Variants in MINDY3 observed in about 807,000 individuals in gnomAD.
MINDY3 encodes ubiquitin carboxyl-terminal hydrolase MINDY-3.
Under a neutral mutation model 69.2 loss-of-function variants are expected in MINDY3, and 38 were observed. The ratio of observed to expected loss-of-function variants is 0.55; its 90% CI spans 0.42 to 0.72. The LOEUF (loss-of-function observed/expected upper bound fraction) is 0.72, where lower values mean the gene tolerates loss of function less well. Ranked by LOEUF, MINDY3 falls within the 30% of genes least tolerant of loss-of-function variation. MINDY3 has a pLI of 0.00. For synonymous variants in MINDY3, 192 were observed against 180.1 expected, an observed-to-expected ratio of 1.07 and a Z score of -0.53; for missense variants, 522 against 519.0, an observed-to-expected ratio of 1.01 and a Z score of -0.06.
At chr10:15,842,737 C>G (rs1210549917) in intron 3 of MINDY3, among the ~76,000 whole-genome samples, 1 of 151,680 alleles carries the variant, frequency 6.6e-6, no homozygotes. Context: ...AAGGTGGCAC[C>G]ACACATCTCT....
intron 1 of MINDY3, chr10:15,857,903 C>T: frequency 1.0e-6 from 1 of 967,546 alleles, no homozygotes; most frequent in Non-Finnish European, 1.2e-6. Flanking sequence ...AAACATCTTA[C>T]ATCTGTATCT....
intron 3 of MINDY3, among the ~76,000 whole-genome samples, chr10:15,842,641 A>C (rs973106613): frequency 5.3e-5 from 8 of 151,870 alleles, no homozygotes; most frequent in Admixed American, 3.9e-4. Flanking sequence ...TTCTTCCAGA[A>C]TTTACTGTGA....
intron 1 of MINDY3, chr10:15,857,900 T>C: frequency 1.0e-6 from 1 of 964,308 alleles, no homozygotes; most frequent in Non-Finnish European, 1.2e-6. Context: ...GCCAAACATC[T>C]TACATCTGTA....
In MINDY3 at chr10:15,843,279, A is replaced by G; in HGVS notation, c.175-7T>C. 1 of 1,606,384 alleles carries G rather than the reference A, an allele frequency of 6.2e-7. No individual in the cohort carries two copies. On this transcript the variant is annotated splice_region_variant and splice_polypyrimidine_tract_variant and intron_variant, in intron 2 of 14. Transcript: ENST00000277632. ...GCTTCTTCAAAAGAAATGCCTTTACACAATTAAAGCAATAATTAGTGAAAT... is the reference window on the plus strand; with the variant it reads ...GCTTCTTCAAAAGAAATGCCTTTACGCAATTAAAGCAATAATTAGTGAAAT...
chr10:15,856,418 G>GA (rs372994140), intron 1 of MINDY3, among the ~76,000 whole-genome samples: 2,716 of 141,780 alleles, frequency 0.019, 78 homozygotes, highest in African/African-American at 0.065. Context: ...TGGGGAAAAA[G>GA]AAAAAAAAAA....
chr10:15,826,052 T>C (rs945625899), intron 8 of MINDY3, among the ~76,000 whole-genome samples: 2 of 152,032 alleles, frequency 1.3e-5, no homozygotes, highest in African/African-American at 2.4e-5. Context: ...AAAGAGACCA[T>C]GACAAAATTA....
In MINDY3 at chr10:15,838,914, C is replaced by T. The variant is rs188664454; in HGVS notation, c.410-635G>A. ...AAGTGCCAGGCCCTTTTCTAAATGC[C>T]CTACATGTCTTACCTCATTTAATCC... On this transcript the variant is annotated intron_variant, in intron 4 of 14. Coordinates refer to ENST00000277632, the MANE Select transcript of MINDY3 (RefSeq NM_024948.4). 1.1e-3 allele frequency among the ~76,000 whole-genome samples: 168 copies of T among 151,610 alleles called. 1 individual carries two copies. The highest frequency in any genetic ancestry group is 3.8e-3 in the African/African-American group (159 of 41,434).
intron 8 of MINDY3, among the ~76,000 whole-genome samples, chr10:15,830,845 T>C (rs1840407267): frequency 6.6e-6 from 1 of 152,170 alleles, no homozygotes; most frequent in East Asian, 1.9e-4. Flanking sequence ...GAAATTCTGC[T>C]GGTGAAAGGA....
In MINDY3 at chr10:15,841,489, T is replaced by G. The variant is rs376669438; in HGVS notation, c.346A>C (p.Thr116Pro). The G allele has an allele frequency of 1.2e-6, 2 of 1,612,196 alleles. No individual in the cohort carries two copies. Among genetic ancestry groups the G allele is most frequent in the South Asian group, 1.1e-5 (1 of 91,004 alleles). ...CLVSWLRGKT[T>P]EETASISGSP... Reference sequence around the variant, plus strand: ...CCAGAAATACTAGCAGTTTCCTCAGTTGTCTTTCCTCTTAACCATGAAACC... The same window carrying G: ...CCAGAAATACTAGCAGTTTCCTCAGGTGTCTTTCCTCTTAACCATGAAACC... Residue 116 changes from threonine to proline, a missense_variant, in exon 4 of 15, where the codon ACT becomes CCT. Transcript: ENST00000277632.
At chr10:15,814,220 T>A (rs900277797) in intron 10 of MINDY3, among the ~76,000 whole-genome samples, 2 of 152,124 alleles carry the variant, frequency 1.3e-5, no homozygotes, top group African/African-American at 4.8e-5. Flanking sequence ...ACCATTTAGG[T>A]GAACTTCCAG....
chr10:15,811,027 T>C (rs889529589), intron 10 of MINDY3, among the ~76,000 whole-genome samples: 2 of 152,156 alleles, frequency 1.3e-5, no homozygotes, highest in Non-Finnish European at 2.9e-5. Flanking sequence ...ATAATAATTT[T>C]AATGATCCAG....
intron 12 of MINDY3, 59 bp from the exon 13 acceptor site, chr10:15,786,707 T>C (rs1836997619): frequency 1.9e-6 from 2 of 1,028,148 alleles, no homozygotes; most frequent in Non-Finnish European, 3.0e-6. Flanking sequence ...GCTGCTTTTC[T>C]TTCATGATTA....
rs542266736 is a variant in MINDY3 at position 15,782,419 on chromosome 10, G to C, written c.1117-193C>G. 617 of 511,044 alleles carry C rather than the reference G, an allele frequency of 1.2e-3. 2 individuals carry two copies. The highest frequency in any genetic ancestry group is 1.8e-3 in the Non-Finnish European group (524 of 294,946). 31.7% of individuals were successfully genotyped at this position (511,044 alleles called of 1,614,324 possible). A position where few individuals can be genotyped will look rare whatever the true frequency, so the allele number is the denominator to read the frequency against. Reference sequence around the variant, plus strand: ...TGAAGTTGAAAGTGTTGCCTCTGAAGAAGATGCTGGAAAGTAGGGAAGGTT... The same window carrying C: ...TGAAGTTGAAAGTGTTGCCTCTGAACAAGATGCTGGAAAGTAGGGAAGGTT... On this transcript the variant is annotated intron_variant, in intron 13 of 14. Coordinates refer to ENST00000277632, the MANE Select transcript of MINDY3 (RefSeq NM_024948.4).
intron 8 of MINDY3, among the ~76,000 whole-genome samples, chr10:15,825,226 G>A (rs572724951): frequency 6.9e-4 from 105 of 152,220 alleles, no homozygotes; most frequent in African/African-American, 2.4e-3. Context: ...GATTAGGGAT[G>A]CTAAACTGGT....
chr10:15,789,093 G>A, intron 12 of MINDY3, 154 bp downstream of exon 12: 2 of 487,916 alleles, frequency 4.1e-6, no homozygotes, highest in Non-Finnish European at 7.4e-6. Flanking sequence ...CTATAATATT[G>A]GATTAGTTCG....
In MINDY3 at chr10:15,841,338, TTAAG is replaced by T. The variant is rs571537776; in HGVS notation, c.409+84_409+87del. The T allele has an allele frequency of 1.7e-4, 178 of 1,061,686 alleles. 2 individuals are homozygous for T. In the South Asian group the frequency reaches 2.6e-3, roughly 16 times the overall value. 65.8% of individuals were successfully genotyped at this position (1,061,686 alleles called of 1,614,324 possible). On this transcript the variant is annotated intron_variant, in intron 4 of 14. Coordinates refer to ENST00000277632, the MANE Select transcript of MINDY3 (RefSeq NM_024948.4). ...GAAAAGAATACATGTTATGAAAATT[TTAAG>T]TAATTTTTTCTTCAAAATATTCAAT...
At chr10:15,847,204 T>C (rs1399722429) in intron 2 of MINDY3, among the ~76,000 whole-genome samples, 1 of 152,218 alleles carries the variant, frequency 6.6e-6, no homozygotes, top group Admixed American at 6.5e-5. Context: ...AACTGAGAAT[T>C]CAATTCTTGG....
At chr10:15,825,456 C>T (rs935472469) in intron 8 of MINDY3, among the ~76,000 whole-genome samples, 7 of 152,162 alleles carry the variant, frequency 4.6e-5, no homozygotes, top group East Asian at 1.9e-4. Flanking sequence ...GTGATCCTCC[C>T]GCTTTGGCCT....
intron 5 of MINDY3, chr10:15,837,996 T>G: frequency 9.2e-6 from 9 of 977,626 alleles, no homozygotes; most frequent in Non-Finnish European, 1.1e-5. Context: ...GAAAAAGCTT[T>G]TTAATGTTTT....
Sources: gnomAD v4.1 joint callset for allele counts (sites outside exome capture counted in the v4.1 genomes callset) on GRCh38, gnomAD v4.1.1 for gene constraint, MANE v1.5 for transcripts, NCBI Gene and HGNC (gene_info 2026-07-23, HGNC 2026-07-21) for gene names.